Variants in CASP8 observed in about 807,000 individuals in gnomAD.
The protein encoded by CASP8 is caspase-8.
CASP8 carries 24 observed loss-of-function variants against 46.3 expected under a neutral mutation model. That is an observed-to-expected ratio of 0.52 (90% CI 0.38 to 0.73). The LOEUF is 0.73. Among genes scored for constraint, CASP8 ranks in the 30% least tolerant of loss-of-function variants. The pLI is 0.00. For synonymous variants in CASP8, 188 were observed against 200.4 expected (o/e 0.94, Z 0.52); for missense variants, 460 against 559.0 (o/e 0.82, Z 1.79).
upstream of CASP8, chr2:201,260,413 T>C (rs945909706): frequency 7.6e-6 from 3 of 392,726 alleles, no homozygotes; most frequent in Non-Finnish European, 1.0e-5. Context: ...CTTTAGAAGC[T>C]TTAGAAGGCA....
At chr2:201,258,802 C>T (rs1156365727), upstream of CASP8, among the ~76,000 whole-genome samples, 1 of 152,162 alleles carries the variant, frequency 6.6e-6, no homozygotes, top group Non-Finnish European at 1.5e-5. Context: ...TGCACAGCCC[C>T]TTCCCCCTCT....
Position 201,276,808 on chromosome 2 carries a change from T to C in CASP8, c.661-19T>C. On this transcript the variant is annotated intron_variant, in intron 6 of 8. Coordinates refer to ENST00000673742, the MANE Select transcript of CASP8 (RefSeq NM_001372051.1). ...TTGACCCACAGAGTCAGCTCCTGGG[T>C]TGGGTTTTTGTTTTCCAGACTTTGG... The C allele has an allele frequency of 1.2e-6, 2 of 1,613,960 alleles. No individual in the cohort carries two copies. The highest frequency in any genetic ancestry group is 1.7e-6 in the Non-Finnish European group (2 of 1,179,886).
At chr2:201,271,426 C>G (rs1948238316) in intron 2 of CASP8, 90 bp from the exon 3 acceptor site, 1 of 811,068 alleles carries the variant, frequency 1.2e-6, no homozygotes, top group Non-Finnish European at 2.2e-6. Flanking sequence ...TGAAGGGAGG[C>G]CTTTGGAATC....
intron 2 of CASP8, among the ~76,000 whole-genome samples, chr2:201,251,106 G>A (rs1009734090): frequency 1.3e-5 from 2 of 152,098 alleles, no homozygotes; most frequent in African/African-American, 4.8e-5. Context: ...TTTTATTGCT[G>A]AATAATAATC....
exon 1 of CASP8, chr2:201,233,466 T>C (rs1171748900): frequency 2.0e-5 from 3 of 152,282 alleles, no homozygotes; most frequent in Non-Finnish European, 2.9e-5. Context: ...TTGGTTTCTG[T>C]TTCACCTTGT....
intron 2 of CASP8, chr2:201,240,694 A>G (rs1309974398): frequency 6.6e-6 from 1 of 152,230 alleles, no homozygotes; most frequent in African/African-American, 2.4e-5. Flanking sequence ...ACAGAAATAC[A>G]CAGAACGTTC....
In CASP8 at chr2:201,266,658, A is replaced by G. The variant is rs781451832; in HGVS notation, c.172A>G (p.Asn58Asp). Residue 58 changes from asparagine (N) to aspartate (D), a missense_variant, in exon 2 of 9, where the codon AAT (asparagine) becomes GAT (aspartate). Physicochemically the swap from Asn to Asp is conservative, Grantham distance 23. Coordinates refer to ENST00000673742, the MANE Select transcript of CASP8 (RefSeq NM_001372051.1). This position sits in a 1 kb window ranked among gnomAD's most constrained non-coding sequence, Gnocchi z 5.7. Reference protein sequence around the residue: ...LQEKRMLEESNLSFLKELLFR... With the variant: ...LQEKRMLEESDLSFLKELLFR... ...GGAAAAGAGAATGTTGGAGGAAAGCAATCTGTCCTTCCTGAAGGAGCTGCT... is the reference window on the plus strand; with the variant it reads ...GGAAAAGAGAATGTTGGAGGAAAGCGATCTGTCCTTCCTGAAGGAGCTGCT... The G allele has an allele frequency of 6.2e-7, 1 of 1,614,068 alleles. No individual in the cohort carries two copies. Among genetic ancestry groups the G allele is most frequent in the South Asian group, 1.1e-5 (1 of 91,076 alleles).
chr2:201,247,879 C>T (rs959407738), intron 2 of CASP8, among the ~76,000 whole-genome samples: 2 of 152,168 alleles, frequency 1.3e-5, no homozygotes, highest in Non-Finnish European at 2.9e-5. Flanking sequence ...CTCCTGACCT[C>T]GTGATCCGCC....
upstream of CASP8, chr2:201,258,195 G>C (rs909217251): frequency 6.9e-6 from 11 of 1,604,632 alleles, no homozygotes; most frequent in African/African-American, 1.3e-5. Flanking sequence ...TTCAAGCCCT[G>C]CTGAATTTGC....
At chr2:201,257,419 T>G (rs571034157), upstream of CASP8, among the ~76,000 whole-genome samples, 77 of 145,612 alleles carry the variant, frequency 5.3e-4, no homozygotes, top group African/African-American at 1.9e-3. Context: ...GAGGTGGAGG[T>G]TGCAGTGAGT....
intron 2 of CASP8, among the ~76,000 whole-genome samples, chr2:201,245,634 A>G (rs976227734): frequency 1.3e-5 from 2 of 152,086 alleles, no homozygotes; most frequent in Non-Finnish European, 2.9e-5. Context: ...CTTCCTTATC[A>G]TAGACCCAGG....
chr2:201,275,104 A>G, intron 6 of CASP8, 151 bp downstream of exon 6: 1 of 672,094 alleles, frequency 1.5e-6, no homozygotes, highest in Non-Finnish European at 2.6e-6. Context: ...TCACACAAAA[A>G]AAGTTAAAAA....
upstream of CASP8, among the ~76,000 whole-genome samples, chr2:201,258,755 TTATTC>T (rs926694557): frequency 2.4e-4 from 17 of 70,284 alleles, no homozygotes; most frequent in Non-Finnish European, 4.5e-4. Context: ...GTTAAGTACT[TTATTC>T]TGTCATTCTG....
Position 201,266,606 on chromosome 2 carries a change from T to G in CASP8, c.120T>G (p.Asp40Glu), listed in dbSNP as rs759793127. 6 of 1,614,150 alleles carry G rather than the reference T, an allele frequency of 3.7e-6. No homozygotes were observed. The Admixed American group carries it at 1.0e-4, about 27-fold the overall frequency. ...AAAGGAAGCAAGAACCCATCAAGGATGCCTTGATGTTATTCCAGAGACTCC... is the reference window on the plus strand; with the variant it reads ...AAAGGAAGCAAGAACCCATCAAGGAGGCCTTGATGTTATTCCAGAGACTCC... ...IPQRKQEPIK[D>E]ALMLFQRLQE... The change falls in exon 2 of 9, where the codon GAT becomes GAG. Residue 40 changes from aspartate (D) to glutamate (E), a missense_variant. Transcript: ENST00000673742. This position sits in a 1 kb window ranked among gnomAD's most constrained non-coding sequence, Gnocchi z 5.7.
intron 7 of CASP8, chr2:201,281,866 T>C (rs1283216766): frequency 6.8e-7 from 1 of 1,480,220 alleles, no homozygotes; most frequent in Non-Finnish European, 9.0e-7. Flanking sequence ...TGGCAATAAA[T>C]ATTAGAAGCC....
In CASP8 at chr2:201,245,864, C is replaced by CTT. The variant is rs60096366; in HGVS notation, c.-27+11771_-27+11772dup. Among the ~76,000 whole-genome samples the CTT allele has an allele frequency of 7.4e-3, 917 of 124,396 alleles. 33 individuals are homozygous for CTT. Among genetic ancestry groups the CTT allele is most frequent in the African/African-American group, 0.024 (737 of 30,470 alleles). The allele number at this position is 124,396 out of a possible 152,430, so 81.6% of individuals were successfully genotyped here. On this transcript the variant is annotated intron_variant, in intron 2 of 6. Transcript: ENST00000264274. ...TTTCTGTTGCTTTTCCTTGTTTGTT[C>CTT]TTTTTTTTTTTTTTTTTTTTGAGAC...
intron 2 of CASP8, among the ~76,000 whole-genome samples, chr2:201,267,794 A>G (rs1446114361): frequency 6.6e-6 from 1 of 152,186 alleles, no homozygotes; most frequent in Non-Finnish European, 1.5e-5. Context: ...GTTGATAACT[A>G]TGGCATGTGA....
At position 201,285,092 on chromosome 2, in the gene CASP8, G is replaced by T. The variant is rs2125484869; in HGVS notation, c.1079G>T (p.Cys360Phe). Residue 360 changes from cysteine (C) to phenylalanine (F), a missense_variant, in exon 8 of 9, where the codon TGT (cysteine) becomes TTT (phenylalanine). Transcript: ENST00000673742. ...CCCAAAGTGTTTTTTATTCAGGCTT[G>T]TCAGGGGGATAACTACCAGAAAGGT... ...GKPKVFFIQACQGDNYQKGIP... is the reference protein window; with the variant it reads ...GKPKVFFIQAFQGDNYQKGIP... 3.1e-6 allele frequency: 5 copies of T among 1,614,158 alleles called. No individual in the cohort carries two copies. The highest frequency in any genetic ancestry group is 4.2e-6 in the Non-Finnish European group (5 of 1,180,028).
chr2:201,283,575 C>T (rs1460723294), intron 7 of CASP8, among the ~76,000 whole-genome samples: 192 of 83,346 alleles, frequency 2.3e-3, no homozygotes, highest in East Asian at 3.8e-3. Context: ...GGGGGCTGAC[C>T]CCCCCACCTC....
Sources: gnomAD v4.1 joint callset for allele counts (sites outside exome capture counted in the v4.1 genomes callset) on GRCh38, gnomAD v4.1.1 for gene constraint, Gnocchi (gnomAD v3.1) non-coding constraint, MANE v1.5 for transcripts, NCBI Gene and HGNC (gene_info 2026-07-23, HGNC 2026-07-21) for gene names.